PTPRD: variants seen among roughly 807,000 people sequenced by gnomAD.
The protein encoded by PTPRD is protein tyrosine phosphatase receptor type D.
In PTPRD, 34 loss-of-function variants were observed where a neutral mutation model predicts 214.5. The ratio of observed to expected loss-of-function variants is 0.16; its 90% CI spans 0.12 to 0.21. The LOEUF (loss-of-function observed/expected upper bound fraction) is 0.21, where lower values mean the gene tolerates loss of function less well. PTPRD is among the 10% of genes least tolerant of loss of function. The probability of loss-of-function intolerance (pLI) is 1.00; values close to 1 mark genes in which losing one functional copy is unlikely to be tolerated. For missense variants in PTPRD, 2,545 were observed against 2,398.7 expected (o/e 1.06, Z -1.27); for synonymous variants, 1,128 against 845.7 (o/e 1.33, Z -5.79).
chr9:9,927,776 G>C (rs2084863682), intron 5 of PTPRD, among the ~76,000 whole-genome samples: 1 of 151,908 alleles, frequency 6.6e-6, no homozygotes, highest in South Asian at 2.1e-4. Flanking sequence ...TCTTTCTTTA[G>C]TCATTGAGAG....
intron 2 of PTPRD, among the ~76,000 whole-genome samples, chr9:10,494,914 G>A (rs1310199344): frequency 6.6e-6 from 1 of 151,512 alleles, no homozygotes; most frequent in Non-Finnish European, 1.5e-5. Context: ...TTGACATATT[G>A]TTGACATACA....
intron 36 of PTPRD, among the ~76,000 whole-genome samples, chr9:8,394,513 T>G (rs1021673631): frequency 1.3e-5 from 2 of 152,164 alleles, no homozygotes; most frequent in Non-Finnish European, 2.9e-5. Flanking sequence ...TGGACTCCTG[T>G]CTAGGGCTGC....
chr9:9,860,042 A>C (rs1026621583), intron 5 of PTPRD, among the ~76,000 whole-genome samples: 4 of 152,230 alleles, frequency 2.6e-5, no homozygotes, highest in Non-Finnish European at 4.4e-5. Flanking sequence ...GCATTATTTA[A>C]AAATAACTGT....
intron 9 of PTPRD, among the ~76,000 whole-genome samples, chr9:9,302,603 T>TC (rs983429683): frequency 4.2e-5 from 5 of 117,822 alleles, no homozygotes; most frequent in Admixed American, 8.2e-5. Context: ...TTTTTTTTCT[T>TC]TTTTTTTTTT....
At chr9:9,642,798 C>G (rs939932478) in intron 7 of PTPRD, among the ~76,000 whole-genome samples, 4 of 152,094 alleles carry the variant, frequency 2.6e-5, no homozygotes, top group African/African-American at 9.7e-5. Flanking sequence ...TCTTGCAAAA[C>G]AGGTATTATT....
Position 8,504,268 on chromosome 9 carries a change from C to T in PTPRD, c.1815G>A (p.Met605Ile), listed in dbSNP as rs2137215235. The stretch of plus-strand genomic sequence containing the variant: ...GCAAAGAGAGACACCTACTTGACTG[C>T]ATGGTTCTAGCTGATATTTCTGCAG... ...ASTAEISART[M>I]QSKPSAPPQD... is the part of the protein sequence containing the mutation. The change falls in exon 23 of 46, where the codon ATG becomes ATA. Residue 605 changes from methionine to isoleucine, a missense_variant. Coordinates refer to ENST00000381196, the MANE Select transcript of PTPRD (RefSeq NM_002839.4). 6.2e-7 allele frequency: 1 copy of T among 1,614,106 alleles called. No homozygotes were observed. Among genetic ancestry groups the T allele is most frequent in the Non-Finnish European group, 8.5e-7 (1 of 1,179,976 alleles).
intron 14 of PTPRD, among the ~76,000 whole-genome samples, chr9:8,535,859 G>C (rs962516845): frequency 5.3e-5 from 8 of 151,762 alleles, no homozygotes; most frequent in East Asian, 1.9e-4. Context: ...TCTGGAGAGG[G>C]GAAATCTCTC....
intron 7 of PTPRD, among the ~76,000 whole-genome samples, chr9:9,667,226 A>G (rs187687408): frequency 2.6e-5 from 4 of 152,168 alleles, no homozygotes; most frequent in Admixed American, 2.0e-4. Flanking sequence ...CAGCAGTGCA[A>G]TCATTTCCAC....
chr9:9,422,531 T>C (rs2079191594), intron 8 of PTPRD, among the ~76,000 whole-genome samples: 1 of 152,092 alleles, frequency 6.6e-6, no homozygotes, highest in African/African-American at 2.4e-5. Context: ...GGAAGGACGG[T>C]AAATTCATTG....
At chr9:10,603,041 C>A (rs1345076623) in intron 2 of PTPRD, among the ~76,000 whole-genome samples, 1 of 151,728 alleles carries the variant, frequency 6.6e-6, no homozygotes, top group African/African-American at 2.4e-5. Context: ...TTATCAAGTA[C>A]AACAAGGTGT....
Position 8,701,966 on chromosome 9 carries a change from G to T in PTPRD, c.64+31814C>A, listed in dbSNP as rs199860240. Among the ~76,000 whole-genome samples the T allele has an allele frequency of 5.4e-4, 82 of 152,210 alleles. No homozygotes were observed. The East Asian group carries it at 0.013, about 24-fold the overall frequency. On this transcript the variant is annotated intron_variant, in intron 12 of 45. Transcript: ENST00000381196. ...AATGATCATTTCCTGATAAATCAGG[G>T]TTTATTTATACTGTTTAAGTAAATT... is the stretch of plus-strand genomic sequence containing the variant.
chr9:8,795,597 G>A (rs900270925), intron 11 of PTPRD, among the ~76,000 whole-genome samples: 5 of 151,770 alleles, frequency 3.3e-5, no homozygotes, highest in African/African-American at 1.2e-4. Context: ...TTTGGGTTGT[G>A]GAGACGGAGT....
At chr9:9,858,436 A>G (rs1203509067) in intron 5 of PTPRD, among the ~76,000 whole-genome samples, 1 of 152,224 alleles carries the variant, frequency 6.6e-6, no homozygotes, top group African/African-American at 2.4e-5. Context: ...TAGTTAAACA[A>G]ATATTTGGGA....
chr9:9,225,974 G>C (rs754858936), intron 9 of PTPRD, among the ~76,000 whole-genome samples: 5 of 151,900 alleles, frequency 3.3e-5, no homozygotes, highest in African/African-American at 7.3e-5. Flanking sequence ...TTGTTTTCAG[G>C]AGCCTGTTAC....
At chr9:9,011,320 A>G (rs2099510976) in intron 11 of PTPRD, among the ~76,000 whole-genome samples, 1 of 152,164 alleles carries the variant, frequency 6.6e-6, no homozygotes. Context: ...GTAAGCCTGG[A>G]GCTTTTCATT....
At chr9:9,575,796 A>T (rs961511356) in intron 7 of PTPRD, among the ~76,000 whole-genome samples, 1 of 140,724 alleles carries the variant, frequency 7.1e-6, no homozygotes, top group Non-Finnish European at 1.6e-5. Flanking sequence ...AAAAAAAAAA[A>T]TAGTTACTGA....
chr9:9,147,833 ACTAGGAAATTT>A (rs1328957588), intron 10 of PTPRD, among the ~76,000 whole-genome samples: 1 of 152,170 alleles, frequency 6.6e-6, no homozygotes, highest in Non-Finnish European at 1.5e-5. Flanking sequence ...AATCAGCATC[ACTAGGAAATTT>A]CTTGCTAGAA....
intron 2 of PTPRD, among the ~76,000 whole-genome samples, chr9:10,471,044 G>A (rs11793638): frequency 0.068 from 10,380 of 152,076 alleles, 566 homozygotes; most frequent in East Asian, 0.29. Context: ...ACTAACACAG[G>A]AAAGAAAACC....
At chr9:9,514,366 G>T (rs940018505) in intron 8 of PTPRD, among the ~76,000 whole-genome samples, 4 of 152,002 alleles carry the variant, frequency 2.6e-5, no homozygotes, top group African/African-American at 4.8e-5. Flanking sequence ...AGTTATAGTG[G>T]TCCTGGCAAC....
Sources: gnomAD v4.1 joint callset for allele counts (sites outside exome capture counted in the v4.1 genomes callset) on GRCh38, gnomAD v4.1.1 for gene constraint, MANE v1.5 for transcripts, NCBI Gene and HGNC (gene_info 2026-07-23, HGNC 2026-07-21) for gene names.